Variants in DOCK4 observed in about 807,000 individuals in gnomAD.
DOCK4 encodes dedicator of cytokinesis 4.
DOCK4 carries 97 observed loss-of-function variants against 268.1 expected under a neutral mutation model. That is an observed-to-expected ratio of 0.36 (90% confidence interval 0.31 to 0.43). DOCK4 has a LOEUF of 0.43. Ranked by LOEUF, DOCK4 falls within the 20% of genes least tolerant of loss-of-function variation. The pLI, the probability that DOCK4 is intolerant of heterozygous loss-of-function variation, is 1.00. For synonymous variants in DOCK4, 954 were observed against 887.2 expected, an observed-to-expected ratio of 1.08 and a Z score of -1.34; for missense variants, 2,145 against 2,455.7, an observed-to-expected ratio of 0.87 and a Z score of 2.67.
intron 39 of DOCK4, among the ~76,000 whole-genome samples, chr7:111,761,820 C>G (rs906660291): frequency 6.6e-6 from 1 of 152,122 alleles, no homozygotes; most frequent in African/African-American, 2.4e-5. Flanking sequence ...AGGGCAGGCT[C>G]TACCTATAAT....
intron 1 of DOCK4, among the ~76,000 whole-genome samples, chr7:112,132,524 G>C (rs565050242): frequency 6.6e-6 from 1 of 151,990 alleles, no homozygotes; most frequent in African/African-American, 2.4e-5. Context: ...AAAGATTGAT[G>C]GCATGCCTGC....
At chr7:112,176,009 T>C (rs1034688) in intron 1 of DOCK4, among the ~76,000 whole-genome samples, 51,341 of 152,100 alleles carry the variant, frequency 0.34, 12,012 homozygotes, top group African/African-American at 0.65. Flanking sequence ...CTCAATTTTG[T>C]GGAAAATAAA....
chr7:111,921,570 T>C (rs888446868), intron 12 of DOCK4, among the ~76,000 whole-genome samples: 1 of 152,196 alleles, frequency 6.6e-6, no homozygotes, highest in African/African-American at 2.4e-5. Flanking sequence ...GTGATAAATA[T>C]ATTGGATAAA....
At chr7:111,947,752 C>T (rs773105672) in intron 8 of DOCK4, among the ~76,000 whole-genome samples, 41 of 151,998 alleles carry the variant, frequency 2.7e-4, no homozygotes, top group Non-Finnish European at 5.1e-4. Context: ...GGGGGGAGGT[C>T]TCACTCTTTC....
chr7:111,959,158 C>G (rs1182401921), intron 8 of DOCK4, among the ~76,000 whole-genome samples: 2 of 150,678 alleles, frequency 1.3e-5, no homozygotes, highest in African/African-American at 5.0e-5. Flanking sequence ...AGGCAGACAC[C>G]CACAGAGAAA....
intron 1 of DOCK4, among the ~76,000 whole-genome samples, chr7:112,169,152 C>G (rs983671854): frequency 6.6e-6 from 1 of 152,162 alleles, no homozygotes; most frequent in African/African-American, 2.4e-5. Flanking sequence ...TCCTTTCACT[C>G]TCTCCTGTTC....
intron 16 of DOCK4, among the ~76,000 whole-genome samples, chr7:111,886,057 T>C (rs1291164930): frequency 6.6e-6 from 1 of 152,180 alleles, no homozygotes; most frequent in Non-Finnish European, 1.5e-5. Flanking sequence ...AAGTGTGATA[T>C]TTGAGTTATA....
chr7:111,759,819 TA>T (rs971536260), intron 40 of DOCK4, among the ~76,000 whole-genome samples: 2 of 151,590 alleles, frequency 1.3e-5, no homozygotes, highest in Non-Finnish European at 2.9e-5. Flanking sequence ...TATGTGCCAG[TA>T]AACACAATAC....
chr7:111,985,725 C>T (rs952236245), intron 6 of DOCK4, among the ~76,000 whole-genome samples: 1 of 152,146 alleles, frequency 6.6e-6, no homozygotes, highest in Non-Finnish European at 1.5e-5. Context: ...AATTCACACA[C>T]CCATTATTTA....
intron 8 of DOCK4, among the ~76,000 whole-genome samples, chr7:111,955,343 A>G (rs140082223): frequency 6.6e-6 from 1 of 152,362 alleles, no homozygotes; most frequent in African/African-American, 2.4e-5. Flanking sequence ...AAGAGGAGAT[A>G]GATGATGTTT....
chr7:112,156,823 C>T (rs930214971), intron 1 of DOCK4, among the ~76,000 whole-genome samples: 1 of 152,008 alleles, frequency 6.6e-6, no homozygotes, highest in Non-Finnish European at 1.5e-5. Flanking sequence ...AATGGACAAC[C>T]ACCTTAACCT....
chr7:112,176,459 T>C (rs79908587), intron 1 of DOCK4, among the ~76,000 whole-genome samples: 1,555 of 152,294 alleles, frequency 0.01, 29 homozygotes, highest in African/African-American at 0.035. Flanking sequence ...CCCTCTACTG[T>C]AATGCAGCTG....
intron 26 of DOCK4, among the ~76,000 whole-genome samples, chr7:111,830,223 C>T (rs1032556545): frequency 2.0e-5 from 3 of 152,010 alleles, no homozygotes; most frequent in African/African-American, 4.8e-5. Flanking sequence ...GTCAGGAGAT[C>T]GAGACCATCC....
chr7:111,776,858 T>C (rs1339571843), intron 36 of DOCK4, among the ~76,000 whole-genome samples: 1 of 152,148 alleles, frequency 6.6e-6, no homozygotes, highest in Non-Finnish European at 1.5e-5. Context: ...TCGGGCTCTG[T>C]CTTCCAGGGT....
intron 1 of DOCK4, among the ~76,000 whole-genome samples, chr7:112,066,672 TATAC>T (rs1191293187): frequency 3.5e-5 from 1 of 28,546 alleles, no homozygotes; most frequent in Non-Finnish European, 5.7e-5. Flanking sequence ...TACATATACA[TATAC>T]ATATATACAT....
rs745753742 is a variant in DOCK4 at position 111,916,770 on chromosome 7, CTTA to C, written c.1067-869_1067-867del. 7.2e-5 allele frequency among the ~76,000 whole-genome samples: 11 copies of C among 151,976 alleles called. No homozygotes were observed. The South Asian group carries it at 2.1e-3, about 29-fold the overall frequency. Reference sequence around the variant, plus strand: ...TTTTCATTCCTTCTTTGTTTATCTTCTTATGTTTTAATTTTTAAGATAGCCAAA... The same window carrying C: ...TTTTCATTCCTTCTTTGTTTATCTTCTGTTTTAATTTTTAAGATAGCCAAA... On this transcript the variant is annotated intron_variant, in intron 12 of 52. Coordinates refer to ENST00000428084, the MANE Select transcript of DOCK4 (RefSeq NM_001363540.2).
At chr7:111,849,066 T>C (rs1804335359) in intron 23 of DOCK4, among the ~76,000 whole-genome samples, 1 of 152,194 alleles carries the variant, frequency 6.6e-6, no homozygotes, top group African/African-American at 2.4e-5. Context: ...CTGGGCTGAC[T>C]CCCATCCTGT....
At chr7:112,088,214 A>C (rs2135746428) in intron 1 of DOCK4, among the ~76,000 whole-genome samples, 1 of 152,208 alleles carries the variant, frequency 6.6e-6, no homozygotes, top group African/African-American at 2.4e-5. Flanking sequence ...TTTAGAGTGA[A>C]GTTTTAATAC....
chr7:111,843,265 T>C (rs935818475), intron 25 of DOCK4, among the ~76,000 whole-genome samples: 1 of 152,086 alleles, frequency 6.6e-6, no homozygotes, highest in Non-Finnish European at 1.5e-5. Context: ...TTAAATGAAA[T>C]TAAAAATTTT....
Sources: gnomAD v4.1 joint callset for allele counts (sites outside exome capture counted in the v4.1 genomes callset) on GRCh38, gnomAD v4.1.1 for gene constraint, MANE v1.5 for transcripts, NCBI Gene and HGNC (gene_info 2026-07-23, HGNC 2026-07-21) for gene names.